The following RPS6KC1 variants were observed in gnomAD, a reference collection of about 807,000 sequenced individuals.
The protein encoded by RPS6KC1 is ribosomal protein S6 kinase C1, also known as inactive ribosomal protein S6 kinase delta-1.
A neutral mutation model predicts 103.8 loss-of-function variants in RPS6KC1; 54 were observed. The observed-to-expected ratio is 0.52, with a 90% confidence interval of 0.42 to 0.65. The LOEUF is 0.65. Among genes scored for constraint, RPS6KC1 ranks in the 30% least tolerant of loss-of-function variants. The pLI, the probability that RPS6KC1 is intolerant of heterozygous loss-of-function variation, is 0.00. For missense variants in RPS6KC1, 1,151 were observed against 1,253.8 expected (o/e 0.92, Z 1.24); for synonymous variants, 439 against 438.7 (o/e 1.00, Z -0.01).
the RPS6KC1 span, among the ~76,000 whole-genome samples, chr1:213,327,870 A>C: frequency 6.6e-6 from 1 of 152,014 alleles, no homozygotes; most frequent in Admixed American, 6.6e-5. Context: ...AGATCGTTCC[A>C]AGTCTTGGTC....
the RPS6KC1 span, among the ~76,000 whole-genome samples, chr1:213,652,635 C>T: frequency 6.6e-6 from 1 of 152,180 alleles, no homozygotes; most frequent in Non-Finnish European, 1.5e-5. Flanking sequence ...CTTCTGGTTC[C>T]CTGCTTTCGG....
At chr1:213,758,888 T>C in the RPS6KC1 span, among the ~76,000 whole-genome samples, 1 of 152,224 alleles carries the variant, frequency 6.6e-6, no homozygotes, top group Admixed American at 6.5e-5. Flanking sequence ...GCTGTGAACA[T>C]TGTTGAGCTG....
At chr1:213,113,075 C>T (rs1211148991) in intron 4 of RPS6KC1, among the ~76,000 whole-genome samples, 4 of 152,130 alleles carry the variant, frequency 2.6e-5, no homozygotes, top group Non-Finnish European at 5.9e-5. Context: ...TGGGTATATA[C>T]CCAGTAATGG....
chr1:213,716,539 A>G, the RPS6KC1 span, among the ~76,000 whole-genome samples: 1 of 152,226 alleles, frequency 6.6e-6, no homozygotes, highest in Non-Finnish European at 1.5e-5. Context: ...AAATACTTTG[A>G]CATAATTTTA....
chr1:213,745,215 A>G, the RPS6KC1 span, among the ~76,000 whole-genome samples: 6 of 148,688 alleles, frequency 4.0e-5, no homozygotes, highest in African/African-American at 9.7e-5. Flanking sequence ...AGTTAATTCA[A>G]TGGAAGCTAG....
chr1:213,830,521 G>A, the RPS6KC1 span, among the ~76,000 whole-genome samples: 607 of 152,080 alleles, frequency 4.0e-3, 17 homozygotes, highest in East Asian at 0.062. Context: ...TGCTAATCCC[G>A]GTATAAAGAC....
chr1:213,857,756 G>T, the RPS6KC1 span, among the ~76,000 whole-genome samples: 2 of 152,164 alleles, frequency 1.3e-5, no homozygotes, highest in Non-Finnish European at 2.9e-5. Flanking sequence ...TACACAGCAG[G>T]ACGTCCTGCT....
At chr1:213,347,272 T>C in the RPS6KC1 span, among the ~76,000 whole-genome samples, 1 of 152,250 alleles carries the variant, frequency 6.6e-6, no homozygotes, top group African/African-American at 2.4e-5. Context: ...CTTTTTTTCT[T>C]TATTTTACAA....
chr1:213,533,182 G>C, the RPS6KC1 span, among the ~76,000 whole-genome samples: 2 of 152,192 alleles, frequency 1.3e-5, no homozygotes, highest in African/African-American at 4.8e-5. Context: ...GGGCTGCCAT[G>C]ATGGTGCATG....
intron 3 of RPS6KC1, among the ~76,000 whole-genome samples, chr1:213,089,465 GTT>G (rs111263225): frequency 2.1e-5 from 3 of 141,906 alleles, no homozygotes; most frequent in East Asian, 2.0e-4. Context: ...TTTGCTGTTT[GTT>G]TTTTTTTTTT....
chr1:213,343,153 T>G, the RPS6KC1 span, among the ~76,000 whole-genome samples: 1 of 151,074 alleles, frequency 6.6e-6, no homozygotes, highest in Non-Finnish European at 1.5e-5. Context: ...GAAAAAAATG[T>G]GAATACTAAA....
chr1:213,426,385 G>C, the RPS6KC1 span, among the ~76,000 whole-genome samples: 8 of 152,144 alleles, frequency 5.3e-5, no homozygotes, highest in African/African-American at 1.9e-4. Context: ...TCGGGGACTG[G>C]GGTGGCACGT....
the RPS6KC1 span, among the ~76,000 whole-genome samples, chr1:213,298,063 A>G: frequency 1.3e-5 from 2 of 152,254 alleles, no homozygotes; most frequent in African/African-American, 2.4e-5. Flanking sequence ...ACCAGCAGCT[A>G]CAGGGTGAGG....
chr1:213,755,360 G>A, the RPS6KC1 span, among the ~76,000 whole-genome samples: 2 of 152,196 alleles, frequency 1.3e-5, no homozygotes, highest in African/African-American at 4.8e-5. Flanking sequence ...GAGTCCAATG[G>A]AGAAGGAAGC....
At chr1:213,628,573 C>G in the RPS6KC1 span, among the ~76,000 whole-genome samples, 1 of 152,136 alleles carries the variant, frequency 6.6e-6, no homozygotes, top group East Asian at 1.9e-4. Flanking sequence ...TTGTGCTGCC[C>G]CTATTAACTT....
At chr1:213,704,406 A>C in the RPS6KC1 span, among the ~76,000 whole-genome samples, 1 of 151,154 alleles carries the variant, frequency 6.6e-6, no homozygotes, top group Non-Finnish European at 1.5e-5. Context: ...AAAAAAAAAA[A>C]AAAAAACTCT....
the RPS6KC1 span, among the ~76,000 whole-genome samples, chr1:213,382,060 TTG>T: frequency 6.6e-6 from 1 of 152,154 alleles, no homozygotes; most frequent in Non-Finnish European, 1.5e-5. Context: ...TTTTTTGTGT[TTG>T]TGTGTGTGGC....
the RPS6KC1 span, among the ~76,000 whole-genome samples, chr1:213,381,453 C>G: frequency 2.6e-5 from 4 of 151,760 alleles, no homozygotes; most frequent in Non-Finnish European, 5.9e-5. Flanking sequence ...AGGGGTGTTG[C>G]GTGCCCTGAA....
chr1:213,661,308 T>G, the RPS6KC1 span, among the ~76,000 whole-genome samples: 2 of 152,088 alleles, frequency 1.3e-5, no homozygotes, highest in African/African-American at 2.4e-5. Context: ...GGATCTCAGG[T>G]AGAGAGAAGG....
Sources: allele counts gnomAD v4.1 joint callset (sites outside exome capture counted in the v4.1 genomes callset), GRCh38; gene constraint gnomAD v4.1.1; transcripts MANE v1.5; gene names NCBI Gene and HGNC (gene_info 2026-07-23, HGNC 2026-07-21).